Variants in TAFA5 observed in about 807,000 individuals in gnomAD.
The protein encoded by TAFA5 is chemokine-like protein TAFA-5.
A neutral mutation model predicts 15.3 loss-of-function variants in TAFA5; 6 were observed. That is an observed-to-expected ratio of 0.39 (90% CI 0.21 to 0.77). The LOEUF is 0.77. Among genes scored for constraint, TAFA5 ranks in the 30% least tolerant of loss-of-function variants. TAFA5 has a pLI of 0.41. For synonymous variants in TAFA5, 103 were observed against 80.7 expected (o/e 1.28, Z -1.48); for missense variants, 161 against 193.1 (o/e 0.83, Z 0.98).
In TAFA5 at chr22:48,598,869, CAG is replaced by C. The variant is rs137908848; in HGVS notation, c.113-47727_113-47726del. 4.3e-4 allele frequency among the ~76,000 whole-genome samples: 65 copies of C among 152,258 alleles called. No homozygotes were observed. Among genetic ancestry groups the C allele is most frequent in the African/African-American group, 1.3e-3 (52 of 41,560 alleles). ...TATTTCCGACTGACTGAATATAAGT[CAG>C]GGGGTTTCCACCACCCTCTCCTGGC... On this transcript the variant is annotated intron_variant, in intron 1 of 3. Coordinates refer to ENST00000402357, the MANE Select transcript of TAFA5 (RefSeq NM_001082967.3). The surrounding 1 kb of genome is among the most constrained non-coding windows in gnomAD (Gnocchi z 4.0).
intron 1 of TAFA5, among the ~76,000 whole-genome samples, chr22:48,616,908 G>A (rs1281786521): frequency 6.6e-6 from 1 of 152,086 alleles, no homozygotes; most frequent in Non-Finnish European, 1.5e-5. Flanking sequence ...GCCTTCTATG[G>A]GTGTCCAGTC....
At chr22:48,703,065 A>T (rs1928963698) in intron 2 of TAFA5, among the ~76,000 whole-genome samples, 1 of 152,112 alleles carries the variant, frequency 6.6e-6, no homozygotes, top group Non-Finnish European at 1.5e-5. Flanking sequence ...GTGTGCATGC[A>T]TGTGTGTGCG....
chr22:48,632,591 A>G (rs1926272408), intron 1 of TAFA5, among the ~76,000 whole-genome samples: 1 of 151,522 alleles, frequency 6.6e-6, no homozygotes, highest in Admixed American at 6.5e-5. Context: ...CGGGCCCTGG[A>G]GAGGCTGTGA....
intron 1 of TAFA5, among the ~76,000 whole-genome samples, chr22:48,499,027 G>C (rs1459579161): frequency 1.3e-5 from 2 of 152,178 alleles, no homozygotes; most frequent in Non-Finnish European, 2.9e-5. Flanking sequence ...CTGTTTCTCT[G>C]TGCAGAGACA....
chr22:48,690,915 C>T (rs568655134), intron 2 of TAFA5, among the ~76,000 whole-genome samples: 62 of 152,138 alleles, frequency 4.1e-4, no homozygotes, highest in Non-Finnish European at 7.4e-4. Context: ...AGGGAGGACG[C>T]CTCGCCTCCT....
intron 3 of TAFA5, among the ~76,000 whole-genome samples, chr22:48,739,396 C>T (rs1315137355): frequency 6.6e-6 from 1 of 152,160 alleles, no homozygotes; most frequent in African/African-American, 2.4e-5. Context: ...GAATACACGC[C>T]TTCCTTTCCA....
chr22:48,599,636 G>A (rs1422983327), intron 1 of TAFA5, among the ~76,000 whole-genome samples: 1 of 152,238 alleles, frequency 6.6e-6, no homozygotes, highest in Non-Finnish European at 1.5e-5. Flanking sequence ...CATTTGCAGG[G>A]GCCACCTCCA....
At chr22:48,575,415 C>T (rs574094980) in intron 1 of TAFA5, among the ~76,000 whole-genome samples, 1 of 146,256 alleles carries the variant, frequency 6.8e-6, no homozygotes, top group Non-Finnish European at 1.5e-5. Flanking sequence ...GGCCGGAGTC[C>T]GAGGCTGCGC....
chr22:48,633,532 G>GTCTC (rs1466629038), intron 1 of TAFA5, among the ~76,000 whole-genome samples: 2 of 138,768 alleles, frequency 1.4e-5, no homozygotes, highest in Non-Finnish European at 3.2e-5. Context: ...CTGTCTGTCT[G>GTCTC]TCTCTCCCTC....
At chr22:48,548,784 G>A (rs1922764197) in intron 1 of TAFA5, among the ~76,000 whole-genome samples, 1 of 152,258 alleles carries the variant, frequency 6.6e-6, no homozygotes, top group Non-Finnish European at 1.5e-5. Context: ...TTTCCCAACA[G>A]TCGCCTAACA....
In TAFA5 at chr22:48,598,043, T is replaced by C. The variant is rs867255789; in HGVS notation, c.113-48554T>C. Among the ~76,000 whole-genome samples the C allele has an allele frequency of 2.6e-5, 4 of 152,158 alleles. No homozygotes were observed. The highest frequency in any genetic ancestry group is 4.4e-5 in the Non-Finnish European group (3 of 68,034). ...GAGCGAGAGGGAGCGAGGTTTCCCT[T>C]TTTAAAAATAAGCTTCTGCAGTTTC... is the stretch of plus-strand genomic sequence containing the variant. On this transcript the variant is annotated intron_variant, in intron 1 of 3. Transcript: ENST00000402357. The surrounding 1 kb of genome is among the most constrained non-coding windows in gnomAD (Gnocchi z 4.0).
intron 3 of TAFA5, among the ~76,000 whole-genome samples, chr22:48,718,080 C>A (rs114920104): frequency 0.019 from 2,955 of 152,284 alleles, 101 homozygotes; most frequent in African/African-American, 0.068. Flanking sequence ...GGCAGGGCTG[C>A]TGCGGACAGC....
intron 2 of TAFA5, among the ~76,000 whole-genome samples, chr22:48,652,218 C>T (rs1245600421): frequency 2.0e-5 from 3 of 152,222 alleles, no homozygotes; most frequent in African/African-American, 4.8e-5. Flanking sequence ...GAATCACCTG[C>T]TCTATTGTAC....
chr22:48,579,175 G>A (rs960173364), intron 1 of TAFA5, among the ~76,000 whole-genome samples: 1 of 152,204 alleles, frequency 6.6e-6, no homozygotes, highest in Non-Finnish European at 1.5e-5. Context: ...GAGATGAATA[G>A]GGCTGTGAAC....
chr22:48,633,539 C>CTCT (rs1569056626), intron 1 of TAFA5, among the ~76,000 whole-genome samples: 17,051 of 128,234 alleles, frequency 0.13, 1,330 homozygotes, highest in South Asian at 0.21. Flanking sequence ...TCTGTCTCTC[C>CTCT]CTCTCTCTCT....
intron 1 of TAFA5, among the ~76,000 whole-genome samples, chr22:48,591,557 G>T (rs758281262): frequency 1.3e-5 from 2 of 152,380 alleles, no homozygotes; most frequent in Admixed American, 6.5e-5. Flanking sequence ...TCCTGCTGGC[G>T]CAGGGAGTGG....
At chr22:48,558,212 C>T (rs1375826487) in intron 1 of TAFA5, among the ~76,000 whole-genome samples, 2 of 152,154 alleles carry the variant, frequency 1.3e-5, no homozygotes, top group Non-Finnish European at 2.9e-5. Context: ...CTTCGCTCTC[C>T]GTGGCTGCAT....
intron 1 of TAFA5, among the ~76,000 whole-genome samples, chr22:48,582,119 C>T (rs557531590): frequency 9.2e-5 from 14 of 152,052 alleles, no homozygotes; most frequent in Non-Finnish European, 1.9e-4. Context: ...TCCTCGTTCT[C>T]CTTTTACCTG....
chr22:48,654,699 C>G (rs1454255392), intron 2 of TAFA5, among the ~76,000 whole-genome samples: 1 of 152,170 alleles, frequency 6.6e-6, no homozygotes, highest in Non-Finnish European at 1.5e-5. Context: ...CATTTTTGAG[C>G]CGAATGACTC....
Sources: gnomAD v4.1 joint callset for allele counts (sites outside exome capture counted in the v4.1 genomes callset) on GRCh38, gnomAD v4.1.1 for gene constraint, Gnocchi (gnomAD v3.1) non-coding constraint, MANE v1.5 for transcripts, NCBI Gene and HGNC (gene_info 2026-07-23, HGNC 2026-07-21) for gene names.